Variants in CNTN1 observed in about 807,000 individuals in gnomAD.
CNTN1 encodes the protein contactin 1.
CNTN1 carries 38 observed loss-of-function variants against 126.4 expected under a neutral mutation model. The ratio of observed to expected loss-of-function variants is 0.30; its 90% CI spans 0.23 to 0.39. The LOEUF is 0.39. Ranked by LOEUF, CNTN1 falls within the 10% of genes least tolerant of loss-of-function variation. The pLI is 1.00. For synonymous variants in CNTN1, 413 were observed against 422.6 expected (o/e 0.98, Z 0.28); for missense variants, 1,009 against 1,248.4 (o/e 0.81, Z 2.89).
rs1171546408 is a variant in CNTN1, at chr12:40,723,096, A to T, written c.-77+30504A>T. ...AGTAGCCGCCATAGAGAGCTGTTAG[A>T]GGATGACATGGGATAGTGCATGTAC... On this transcript the variant is annotated intron_variant, in intron 1 of 23. Transcript: ENST00000551295. Among the ~76,000 whole-genome samples the T allele has an allele frequency of 2.6e-5, 4 of 152,124 alleles. No individual in the cohort carries two copies. The South Asian group carries it at 8.3e-4, about 31-fold the overall frequency.
chr12:41,071,644 T>C lies in CNTN1; in HGVS notation c.*1609T>C, dbSNP rs1455766295. ...AAATATCAATAAATATTTCATTAGT[T>C]TACATTTAACTCTGGTATAAAATGA... On this transcript the variant is annotated 3_prime_UTR_variant, in exon 24 of 24. Coordinates refer to ENST00000551295, the MANE Select transcript of CNTN1 (RefSeq NM_001843.4). 1 of 152,206 alleles carries C rather than the reference T, an allele frequency of 6.6e-6. No homozygotes were observed. The highest frequency in any genetic ancestry group is 1.5e-5 in the Non-Finnish European group (1 of 68,018). 9.4% of individuals were successfully genotyped at this position (152,206 alleles called of 1,614,324 possible). A position where few individuals can be genotyped will look rare whatever the true frequency, so the allele number is the denominator to read the frequency against.
intron 23 of CNTN1, among the ~76,000 whole-genome samples, chr12:41,044,243 G>T (rs1203378965): frequency 6.6e-6 from 1 of 151,982 alleles, no homozygotes; most frequent in African/African-American, 2.4e-5. Flanking sequence ...CAAAATGCAG[G>T]ATTGTTTTGG....
chr12:40,703,448 T>C (rs963750687), intron 1 of CNTN1, among the ~76,000 whole-genome samples: 2 of 152,226 alleles, frequency 1.3e-5, no homozygotes, highest in Admixed American at 1.3e-4. Flanking sequence ...TGGCACGTAG[T>C]AGATACGTAA....
chr12:41,063,345 A>G (rs576258508), intron 23 of CNTN1, among the ~76,000 whole-genome samples: 3 of 152,322 alleles, frequency 2.0e-5, no homozygotes, highest in South Asian at 2.1e-4. Flanking sequence ...AATTACCACA[A>G]ATTTACCAGA....
At chr12:40,927,554 G>A (rs746561791) in intron 6 of CNTN1, among the ~76,000 whole-genome samples, 1 of 152,032 alleles carries the variant, frequency 6.6e-6, no homozygotes, top group African/African-American at 2.4e-5. Flanking sequence ...AATGGCAAGA[G>A]CCATTCCTAC....
chr12:40,992,485 C>T (rs1948118312), intron 16 of CNTN1, among the ~76,000 whole-genome samples: 1 of 151,496 alleles, frequency 6.6e-6, no homozygotes, highest in South Asian at 2.1e-4. Flanking sequence ...TATTATACCT[C>T]AATTAAATAA....
At chr12:40,838,747 C>T (rs1036021903) in intron 1 of CNTN1, among the ~76,000 whole-genome samples, 9 of 152,242 alleles carry the variant, frequency 5.9e-5, no homozygotes, top group South Asian at 4.1e-4. Flanking sequence ...CCGAACAACT[C>T]CATAGAAATA....
intron 15 of CNTN1, among the ~76,000 whole-genome samples, chr12:40,969,073 C>T (rs769321134): frequency 2.4e-4 from 36 of 152,140 alleles, no homozygotes; most frequent in Non-Finnish European, 4.9e-4. Flanking sequence ...ACACCTTAGC[C>T]TCATTGCTGA....
chr12:40,799,750 T>A (rs1023835998), intron 1 of CNTN1, among the ~76,000 whole-genome samples: 3 of 152,034 alleles, frequency 2.0e-5, no homozygotes, highest in Non-Finnish European at 2.9e-5. Context: ...AACTAACAAC[T>A]AGGAGCACTT....
intron 17 of CNTN1, among the ~76,000 whole-genome samples, chr12:41,003,113 G>A (rs1025834816): frequency 6.6e-6 from 1 of 152,140 alleles, no homozygotes; most frequent in African/African-American, 2.4e-5. Flanking sequence ...TTTGAGGTAT[G>A]TTCCTTCAAT....
chr12:41,016,114 C>T (rs781550967), intron 18 of CNTN1, among the ~76,000 whole-genome samples: 1 of 152,274 alleles, frequency 6.6e-6, no homozygotes, highest in Non-Finnish European at 1.5e-5. Flanking sequence ...TTGCTCATCC[C>T]TTTAATACAT....
chr12:40,974,802 A>C (rs1376784250), intron 15 of CNTN1, among the ~76,000 whole-genome samples: 1 of 152,146 alleles, frequency 6.6e-6, no homozygotes, highest in African/African-American at 2.4e-5. Context: ...ATTGGTAAGA[A>C]TTATAAAAGA....
chr12:40,884,820 T>G (rs1943977430), intron 1 of CNTN1, among the ~76,000 whole-genome samples: 1 of 151,636 alleles, frequency 6.6e-6, no homozygotes, highest in South Asian at 2.1e-4. Flanking sequence ...CTTTTTGAAG[T>G]TTTTTCCCAA....
intron 15 of CNTN1, among the ~76,000 whole-genome samples, chr12:40,965,325 C>G (rs1178939195): frequency 1.3e-5 from 2 of 151,974 alleles, no homozygotes; most frequent in African/African-American, 2.4e-5. Context: ...ATCTTGGGAC[C>G]CCAGTCCAGT....
At chr12:41,013,533 CAA>C (rs34197329) in intron 17 of CNTN1, among the ~76,000 whole-genome samples, 5 of 142,704 alleles carry the variant, frequency 3.5e-5, no homozygotes, top group African/African-American at 7.6e-5. Context: ...GAGTGAAGTA[CAA>C]AAAAAAAAAT....
intron 1 of CNTN1, among the ~76,000 whole-genome samples, chr12:40,821,389 C>T (rs1355961776): frequency 2.6e-5 from 4 of 151,938 alleles, no homozygotes; most frequent in Non-Finnish European, 5.9e-5. Context: ...AGAAAAACTG[C>T]CTATTTTAAA....
chr12:40,751,264 A>G (rs1252931003), intron 1 of CNTN1, among the ~76,000 whole-genome samples: 2 of 152,102 alleles, frequency 1.3e-5, no homozygotes, highest in Admixed American at 6.6e-5. Context: ...TATGAGAGTG[A>G]AATGAAACAT....
intron 1 of CNTN1, among the ~76,000 whole-genome samples, chr12:40,783,792 T>A (rs764144698): frequency 3.3e-5 from 5 of 152,250 alleles, no homozygotes; most frequent in African/African-American, 9.6e-5. Context: ...TTGAGAGATG[T>A]CATTCATTAA....
intron 14 of CNTN1, among the ~76,000 whole-genome samples, chr12:40,946,349 A>G (rs1946433387): frequency 6.6e-6 from 1 of 152,150 alleles, no homozygotes; most frequent in South Asian, 2.1e-4. Context: ...TGAAAATCTT[A>G]GTGAATATAT....
Sources: allele counts gnomAD v4.1 joint callset (sites outside exome capture counted in the v4.1 genomes callset), GRCh38; gene constraint gnomAD v4.1.1; transcripts MANE v1.5; gene names NCBI Gene and HGNC (gene_info 2026-07-23, HGNC 2026-07-21).